The following PTCH1 variants were observed in gnomAD, a reference collection of about 807,000 sequenced individuals.
PTCH1 encodes the protein patched 1, also known as protein patched homolog 1.
A neutral mutation model predicts 144.6 loss-of-function variants in PTCH1; 14 were observed. The observed-to-expected ratio is 0.10, with a 90% CI of 0.06 to 0.15. The LOEUF (loss-of-function observed/expected upper bound fraction) is 0.15, where lower values mean the gene tolerates loss of function less well. PTCH1 is among the 10% of genes least tolerant of loss of function. The pLI is 1.00. For missense variants in PTCH1, 1,623 were observed against 1,948.3 expected (o/e 0.83, Z 3.14); for synonymous variants, 833 against 793.6 (o/e 1.05, Z -0.83).
intron 14 of PTCH1, among the ~76,000 whole-genome samples, chr9:95,468,063 T>C (rs532571740): frequency 1.3e-5 from 2 of 152,150 alleles, no homozygotes; most frequent in African/African-American, 2.4e-5. Flanking sequence ...CACAGCACCA[T>C]GCCTTTTTTC....
At chr9:95,493,855 G>A (rs1220998731) in intron 2 of PTCH1, among the ~76,000 whole-genome samples, 2 of 152,056 alleles carry the variant, frequency 1.3e-5, no homozygotes, top group Non-Finnish European at 2.9e-5. Flanking sequence ...TTCACGGGCT[G>A]TGAATTTTAG....
In PTCH1 at chr9:95,449,162, C is replaced by T; in HGVS notation, c.3711G>A (p.Glu1237=). The part of the protein sequence containing the change: ...SQTTVSGLSE[E]LRHYEAQQGA... ...CCTGCTGGGCCTCGTAGTGCCGAAGCTCCTCGCTGAGGCCTGACACTGTCG... is the reference window on the plus strand; with the variant it reads ...CCTGCTGGGCCTCGTAGTGCCGAAGTTCCTCGCTGAGGCCTGACACTGTCG... Residue 1237 remains glutamate, a synonymous_variant, in exon 22 of 24, where the codon GAG becomes GAA. Transcript: ENST00000331920. This position sits in a 1 kb window ranked among gnomAD's most constrained non-coding sequence, Gnocchi z 5.3. 6.2e-7 allele frequency: 1 copy of T among 1,613,528 alleles called. No homozygotes were observed. Among genetic ancestry groups the T allele is most frequent in the Non-Finnish European group, 8.5e-7 (1 of 1,179,748 alleles).
At position 95,492,694 on chromosome 9, in the gene PTCH1, G is replaced by C. The variant is rs74306440; in HGVS notation, c.395-6820C>G. Among the ~76,000 whole-genome samples, 3 of 151,552 alleles carry C rather than the reference G, an allele frequency of 2.0e-5. No individual in the cohort carries two copies. The East Asian group carries it at 5.8e-4, about 29-fold the overall frequency. Reference sequence around the variant, plus strand: ...CTGGTCCCAAACATTTTGTATAAGGGATACTCAACCTGTATTACGCTCACA... The same window carrying C: ...CTGGTCCCAAACATTTTGTATAAGGCATACTCAACCTGTATTACGCTCACA... On this transcript the variant is annotated intron_variant, in intron 2 of 23. Coordinates refer to ENST00000331920, the MANE Select transcript of PTCH1 (RefSeq NM_000264.5).
intron 3 of PTCH1, chr9:95,482,512 T>G: frequency 2.4e-6 from 1 of 415,292 alleles, no homozygotes; most frequent in East Asian, 5.1e-5. Context: ...CTACATACAT[T>G]AAACAACTTC....
At chr9:95,487,876 C>T (rs995179039) in intron 2 of PTCH1, among the ~76,000 whole-genome samples, 8 of 152,204 alleles carry the variant, frequency 5.3e-5, no homozygotes, top group Non-Finnish European at 1.2e-4. Flanking sequence ...ACAAAGCACA[C>T]CCCCCACCCT....
At chr9:95,464,259 C>A (rs1034927788) in intron 15 of PTCH1, among the ~76,000 whole-genome samples, 2 of 152,190 alleles carry the variant, frequency 1.3e-5, no homozygotes, top group Admixed American at 1.3e-4. Flanking sequence ...CTGGCCTAAG[C>A]ACATGTACAA....
intron 2 of PTCH1, among the ~76,000 whole-genome samples, chr9:95,500,825 C>T (rs1232076686): frequency 6.6e-6 from 1 of 152,204 alleles, no homozygotes; most frequent in Non-Finnish European, 1.5e-5. Context: ...GAAAGTCAAC[C>T]ATGCTAAAAA....
rs151284979 is a variant in PTCH1, at chr9:95,507,793, A to T, written c.201+368T>A. ...TAGGGGCAGGGGCGCAGGAGGAAGA[A>T]GTTCAGGGCAGGGGGCACGGGGCAG... is the stretch of plus-strand genomic sequence containing the variant. On this transcript the variant is annotated intron_variant, in intron 1 of 23. Coordinates refer to ENST00000331920, the MANE Select transcript of PTCH1 (RefSeq NM_000264.5). The T allele has an allele frequency of 1.9e-3, 692 of 366,662 alleles. 12 individuals carry two copies. The highest frequency in any genetic ancestry group is 6.5e-4 in the Non-Finnish European group (160 of 245,678). 22.7% of individuals were successfully genotyped at this position (366,662 alleles called of 1,614,324 possible). A position where few individuals can be genotyped will look rare whatever the true frequency, so the allele number is the denominator to read the frequency against.
At position 95,477,938 on chromosome 9, in the gene PTCH1, G is replaced by A. The variant is rs1036805860; in HGVS notation, c.1347+117C>T. The stretch of plus-strand genomic sequence containing the variant: ...ACCACTGTGAAGCCACGCTCTCTCT[G>A]TCCTGGATGCACATCGATGTTAAGA... On this transcript the variant is annotated intron_variant, in intron 9 of 23. Transcript: ENST00000331920. The A allele has an allele frequency of 3.8e-6, 6 of 1,561,066 alleles. No individual in the cohort carries two copies. In the Admixed American group the frequency reaches 6.8e-5, roughly 18 times the overall value.
intron 22 of PTCH1, among the ~76,000 whole-genome samples, chr9:95,448,564 A>G (rs905337163): frequency 3.3e-5 from 5 of 152,194 alleles, no homozygotes; most frequent in Admixed American, 6.5e-5. Flanking sequence ...ATGAGCTTGG[A>G]GCCCCAAAAG....
At position 95,485,849 on chromosome 9, in the gene PTCH1, T is replaced by C. The variant is rs372559495; in HGVS notation, c.420A>G (p.Leu140=). 21 of 1,614,230 alleles carry C rather than the reference T, an allele frequency of 1.3e-5. No homozygotes were observed. The African/African-American group carries it at 2.3e-4, about 17-fold the overall frequency. The change falls in exon 3 of 24, where the codon TTA becomes TTG. Residue 140 remains leucine (L), a synonymous_variant. Coordinates refer to ENST00000331920, the MANE Select transcript of PTCH1 (RefSeq NM_000264.5). ...CTCCAATCTTCTGGCGAGTATAATTTAATTCACGACTTACTCGTCCTCCAA... is the reference window on the plus strand; with the variant it reads ...CTCCAATCTTCTGGCGAGTATAATTCAATTCACGACTTACTCGTCCTCCAA... ...VEVGGRVSRE[L]NYTRQKIGEE... is the part of the protein sequence containing the mutation.
intron 2 of PTCH1, 190 bp downstream of exon 2, chr9:95,506,217 G>A (rs1419353520): frequency 1.5e-6 from 1 of 645,204 alleles, no homozygotes; most frequent in Non-Finnish European, 2.5e-6. Context: ...GCCCCGAGTA[G>A]ATTACAGCGC....
chr9:95,452,544 A>C (rs1355817185), intron 20 of PTCH1: 1 of 152,194 alleles, frequency 6.6e-6, no homozygotes, highest in Non-Finnish European at 1.5e-5. Flanking sequence ...CAAAGAAGCA[A>C]GTGGTTTCCT....
In PTCH1 at chr9:95,474,027, C is replaced by T. The variant is rs116531772; in HGVS notation, c.1728+2007G>A. 2.1e-3 allele frequency: 1,011 copies of T among 471,270 alleles called. 7 individuals carry two copies. Among genetic ancestry groups the T allele is most frequent in the African/African-American group, 0.018 (905 of 50,582 alleles). The allele number at this position is 471,270 out of a possible 1,614,324, so 29.2% of individuals were successfully genotyped here. Reference sequence around the variant, plus strand: ...AGGTGCTTACCTTGGGAGAATTTAGCGCACTGGATTTTCTACAAGGCTACT... The same window carrying T: ...AGGTGCTTACCTTGGGAGAATTTAGTGCACTGGATTTTCTACAAGGCTACT... On this transcript the variant is annotated intron_variant, in intron 12 of 23. Coordinates refer to ENST00000331920, the MANE Select transcript of PTCH1 (RefSeq NM_000264.5).
upstream of PTCH1, among the ~76,000 whole-genome samples, chr9:95,509,634 C>T (rs1844040254): frequency 6.6e-6 from 1 of 152,354 alleles, no homozygotes; most frequent in East Asian, 1.9e-4. Context: ...CGAACATTTG[C>T]CTCGCGGTAG....
intron 23 of PTCH1, chr9:95,446,679 C>T (rs778766018): frequency 9.6e-6 from 6 of 621,918 alleles, no homozygotes; most frequent in Non-Finnish European, 1.7e-5. Context: ...TGCACCGACC[C>T]TCCGCAGGTT....
chr9:95,465,328 T>C (rs1424413742), intron 15 of PTCH1, among the ~76,000 whole-genome samples: 1 of 152,150 alleles, frequency 6.6e-6, no homozygotes, highest in Non-Finnish European at 1.5e-5. Flanking sequence ...GCAGATCTCT[T>C]TGTCATTTGT....
Position 95,508,150 on chromosome 9 carries a change from C to A in PTCH1, c.201+11G>T, listed in dbSNP as rs1587700117. 6.2e-7 allele frequency: 1 copy of A among 1,612,504 alleles called. No homozygotes were observed. Among genetic ancestry groups the A allele is most frequent in the South Asian group, 1.1e-5 (1 of 91,040 alleles). Reference sequence around the variant, plus strand: ...GGAAGAGAAAGTGGGAGGAGAGAGTCTGAAATGCACCTTGGAAATCTGCTC... The same window carrying A: ...GGAAGAGAAAGTGGGAGGAGAGAGTATGAAATGCACCTTGGAAATCTGCTC... On this transcript the variant is annotated intron_variant, in intron 1 of 23. Coordinates refer to ENST00000331920, the MANE Select transcript of PTCH1 (RefSeq NM_000264.5).
chr9:95,496,787 G>A (rs927826928), intron 2 of PTCH1, among the ~76,000 whole-genome samples: 1 of 152,070 alleles, frequency 6.6e-6, no homozygotes, highest in Non-Finnish European at 1.5e-5. Context: ...TAAGAAGAAA[G>A]AATTTCTTAG....
Sources: gnomAD v4.1 joint callset for allele counts (sites outside exome capture counted in the v4.1 genomes callset) on GRCh38, gnomAD v4.1.1 for gene constraint, Gnocchi (gnomAD v3.1) non-coding constraint, MANE v1.5 for transcripts, NCBI Gene and HGNC (gene_info 2026-07-23, HGNC 2026-07-21) for gene names.